DRC11: variants seen among roughly 807,000 people sequenced by gnomAD.
The protein encoded by DRC11 is dynein regulatory complex subunit 11, also known as IQ and AAA domain-containing protein 1.
the DRC11 span, chr2:236,392,262 C>G: frequency 1.3e-6 from 2 of 1,590,826 alleles, no homozygotes; most frequent in South Asian, 1.1e-5. The surrounding 1 kb of genome is among the most constrained non-coding windows in gnomAD (Gnocchi z 5.1). Context: ...TGATCTCTGA[C>G]TGTAATTCTT....
At chr2:236,331,652 C>T in the DRC11 span, 1 of 1,317,198 alleles carries the variant, frequency 7.6e-7, no homozygotes, top group Non-Finnish European at 1.1e-6. The surrounding 1 kb of genome is among the most constrained non-coding windows in gnomAD (Gnocchi z 4.8). Context: ...GAAATCAGTG[C>T]CAGTTTCCCT....
At chr2:236,328,571 C>T in the DRC11 span, among the ~76,000 whole-genome samples, 2 of 152,034 alleles carry the variant, frequency 1.3e-5, no homozygotes, top group East Asian at 3.9e-4. The surrounding 1 kb of genome is among the most constrained non-coding windows in gnomAD (Gnocchi z 6.7). Flanking sequence ...GGATCTTATA[C>T]ACCCCTAGGC....
chr2:236,466,538 T>G, the DRC11 span, among the ~76,000 whole-genome samples: 1 of 152,234 alleles, frequency 6.6e-6, no homozygotes, highest in African/African-American at 2.4e-5. Context: ...GGTGCCAGCA[T>G]CTGCTTGGCT....
chr2:236,425,208 TATTTTTC>T, the DRC11 span, among the ~76,000 whole-genome samples: 1 of 152,056 alleles, frequency 6.6e-6, no homozygotes, highest in African/African-American at 2.4e-5. Context: ...CATATAGTTC[TATTTTTC>T]ATTTTTTGAG....
the DRC11 span, among the ~76,000 whole-genome samples, chr2:236,341,726 C>T: frequency 6.6e-6 from 1 of 152,210 alleles, no homozygotes; most frequent in African/African-American, 2.4e-5. Flanking sequence ...TGGTTTCCCC[C>T]CCATGTCTTC....
the DRC11 span, among the ~76,000 whole-genome samples, chr2:236,371,236 A>G: frequency 6.6e-6 from 1 of 152,126 alleles, no homozygotes; most frequent in South Asian, 2.1e-4. This position sits in a 1 kb window ranked among gnomAD's most constrained non-coding sequence, Gnocchi z 5.1. Flanking sequence ...CAGGCTTTGC[A>G]GTGCTGGCCT....
the DRC11 span, among the ~76,000 whole-genome samples, chr2:236,459,512 CGTATACAT>C: frequency 1.5e-3 from 132 of 89,882 alleles, 2 homozygotes; most frequent in Admixed American, 0.013. Context: ...TATACGTATA[CGTATACAT>C]GTATACATGT....
At chr2:236,319,233 G>A in the DRC11 span, among the ~76,000 whole-genome samples, 1 of 152,230 alleles carries the variant, frequency 6.6e-6, no homozygotes, top group Non-Finnish European at 1.5e-5. The surrounding 1 kb of genome is among the most constrained non-coding windows in gnomAD (Gnocchi z 6.7). Flanking sequence ...TGAACAGCAG[G>A]TGGCGTTCAC....
chr2:236,492,824 A>G, the DRC11 span, among the ~76,000 whole-genome samples: 1 of 152,332 alleles, frequency 6.6e-6, no homozygotes, highest in East Asian at 1.9e-4. Context: ...TCAGGCTAAG[A>G]CAGCTGTGGA....
At chr2:236,332,958 G>T in the DRC11 span, 2 of 152,154 alleles carry the variant, frequency 1.3e-5, no homozygotes, top group Non-Finnish European at 2.9e-5. This position sits in a 1 kb window ranked among gnomAD's most constrained non-coding sequence, Gnocchi z 5.1. Flanking sequence ...CCCCAAATTG[G>T]CCTAAAGGAT....
At chr2:236,507,423 T>C in the DRC11 span, 98 of 734,008 alleles carry the variant, frequency 1.3e-4, 1 homozygote, top group South Asian at 1.5e-3. Context: ...GAGAATCTTC[T>C]GCTTCGGGCA....
chr2:236,420,139 C>T, the DRC11 span, among the ~76,000 whole-genome samples: 2 of 152,188 alleles, frequency 1.3e-5, no homozygotes, highest in Admixed American at 6.5e-5. The surrounding 1 kb of genome is among the most constrained non-coding windows in gnomAD (Gnocchi z 4.8). Context: ...CAGAGACAGA[C>T]TCCTTTGCTG....
chr2:236,485,182 T>A, the DRC11 span, among the ~76,000 whole-genome samples: 1 of 152,156 alleles, frequency 6.6e-6, no homozygotes, highest in Admixed American at 6.5e-5. Context: ...CTAATAGTTT[T>A]TAACCTGCTA....
At chr2:236,369,673 T>C in the DRC11 span, among the ~76,000 whole-genome samples, 3 of 152,234 alleles carry the variant, frequency 2.0e-5, no homozygotes, top group African/African-American at 7.2e-5. This position sits in a 1 kb window ranked among gnomAD's most constrained non-coding sequence, Gnocchi z 4.5. Flanking sequence ...TTAGTGGGTG[T>C]TGGTTCTAAC....
chr2:236,499,310 C>A, the DRC11 span, among the ~76,000 whole-genome samples: 2 of 152,234 alleles, frequency 1.3e-5, no homozygotes, highest in African/African-American at 4.8e-5. This position sits in a 1 kb window ranked among gnomAD's most constrained non-coding sequence, Gnocchi z 4.7. Context: ...CAGGCTCCCA[C>A]CTGGCTTCCC....
At chr2:236,317,392 C>T in the DRC11 span, among the ~76,000 whole-genome samples, 53 of 152,106 alleles carry the variant, frequency 3.5e-4, no homozygotes, top group South Asian at 4.0e-3. This position sits in a 1 kb window ranked among gnomAD's most constrained non-coding sequence, Gnocchi z 5.4. Flanking sequence ...TGGAAGTGGA[C>T]GAACTGCGAC....
chr2:236,460,536 A>G, the DRC11 span, among the ~76,000 whole-genome samples: 104 of 152,304 alleles, frequency 6.8e-4, no homozygotes, highest in African/African-American at 2.5e-3. This position sits in a 1 kb window ranked among gnomAD's most constrained non-coding sequence, Gnocchi z 4.0. Flanking sequence ...GTGTCTTAAA[A>G]ATGTAAAATC....
the DRC11 span, chr2:236,486,855 C>T: frequency 1.5e-5 from 24 of 1,611,008 alleles, no homozygotes; most frequent in African/African-American, 2.5e-4. This position sits in a 1 kb window ranked among gnomAD's most constrained non-coding sequence, Gnocchi z 5.7. Context: ...ATCTCCTCTT[C>T]TCTCAGTTTT....
chr2:236,357,831 CTATATAAATATGTAA>C, the DRC11 span, among the ~76,000 whole-genome samples: 1 of 122,160 alleles, frequency 8.2e-6, no homozygotes, highest in Non-Finnish European at 1.6e-5. Flanking sequence ...TATACATATA[CTATATAAATATGTAA>C]TATATAAATA....
Sources: gnomAD v4.1 joint callset for allele counts (sites outside exome capture counted in the v4.1 genomes callset) on GRCh38, gnomAD v4.1.1 for gene constraint, Gnocchi (gnomAD v3.1) non-coding constraint, MANE v1.5 for transcripts, NCBI Gene and HGNC (gene_info 2026-07-23, HGNC 2026-07-21) for gene names.